The following IMMP2L variants were observed in gnomAD, a reference collection of about 807,000 sequenced individuals.
IMMP2L encodes mitochondrial inner membrane protease subunit 2.
In IMMP2L, 18 loss-of-function variants were observed where a neutral mutation model predicts 19.3. The ratio of observed to expected loss-of-function variants is 0.93; its 90% CI spans 0.64 to 1.38. IMMP2L has a LOEUF of 1.38. Among genes scored for constraint, IMMP2L ranks in the 40% most tolerant of loss-of-function variants. The probability of loss-of-function intolerance (pLI) is 0.00; values close to 1 mark genes in which losing one functional copy is unlikely to be tolerated. For synonymous variants in IMMP2L, 76 were observed against 73.0 expected, an observed-to-expected ratio of 1.04 and a Z score of -0.21; for missense variants, 233 against 218.2, an observed-to-expected ratio of 1.07 and a Z score of -0.43.
chr7:111,303,049 C>T (rs1413038335), intron 3 of IMMP2L, among the ~76,000 whole-genome samples: 1 of 152,076 alleles, frequency 6.6e-6, no homozygotes, highest in Non-Finnish European at 1.5e-5. Flanking sequence ...CAAAATATGG[C>T]CTCATACAAA....
chr7:111,469,805 T>C (rs1485210601), intron 3 of IMMP2L, among the ~76,000 whole-genome samples: 2 of 152,076 alleles, frequency 1.3e-5, no homozygotes, highest in Non-Finnish European at 2.9e-5. Context: ...ATTCAGGACA[T>C]AGGCATGGGC....
intron 1 of IMMP2L, among the ~76,000 whole-genome samples, chr7:111,557,200 C>T (rs1202565344): frequency 2.0e-5 from 3 of 152,084 alleles, no homozygotes; most frequent in East Asian, 3.9e-4. Context: ...TTGAAAGCTT[C>T]CAGTCTTGCC....
intron 3 of IMMP2L, among the ~76,000 whole-genome samples, chr7:111,064,018 T>A (rs1387188909): frequency 2.6e-5 from 4 of 152,142 alleles, no homozygotes; most frequent in Admixed American, 2.6e-4. Flanking sequence ...CACCCCACTC[T>A]ACTGGTACCA....
chr7:110,972,098 T>A (rs556300873), intron 3 of IMMP2L, among the ~76,000 whole-genome samples: 1 of 152,184 alleles, frequency 6.6e-6, no homozygotes, highest in South Asian at 2.1e-4. Flanking sequence ...ACACACAATT[T>A]ACTCCTTTGA....
chr7:111,552,893 A>G (rs1431781203), intron 1 of IMMP2L, among the ~76,000 whole-genome samples: 1 of 152,166 alleles, frequency 6.6e-6, no homozygotes, highest in African/African-American at 2.4e-5. Flanking sequence ...GTCATCTGCC[A>G]TCTCATGAGA....
At chr7:110,672,489 G>GT (rs1453436288) in intron 5 of IMMP2L, among the ~76,000 whole-genome samples, 1 of 152,008 alleles carries the variant, frequency 6.6e-6, no homozygotes, top group Admixed American at 6.6e-5. Context: ...CTTTCCAACA[G>GT]TCCCCCAAAG....
intron 5 of IMMP2L, among the ~76,000 whole-genome samples, chr7:110,860,948 T>C (rs2129542708): frequency 6.6e-6 from 1 of 152,138 alleles, no homozygotes; most frequent in East Asian, 1.9e-4. Flanking sequence ...ATGTATGTAA[T>C]GAATCCAACT....
intron 5 of IMMP2L, among the ~76,000 whole-genome samples, chr7:110,850,080 G>C (rs1320430702): frequency 1.3e-5 from 2 of 152,002 alleles, no homozygotes; most frequent in East Asian, 3.9e-4. Context: ...GAAATTCAAA[G>C]AGAATCAGTG....
intron 3 of IMMP2L, among the ~76,000 whole-genome samples, chr7:111,385,659 C>A (rs1263334192): frequency 6.6e-6 from 1 of 152,064 alleles, no homozygotes; most frequent in Non-Finnish European, 1.5e-5. Flanking sequence ...ATATAAACGT[C>A]ATTTTACTCT....
intron 3 of IMMP2L, among the ~76,000 whole-genome samples, chr7:111,185,254 C>T (rs1356356225): frequency 6.6e-6 from 1 of 152,190 alleles, no homozygotes; most frequent in East Asian, 1.9e-4. Context: ...CAAATCTACT[C>T]TGTGGTTGGA....
chr7:111,463,463 G>C (rs1374326191), intron 3 of IMMP2L, among the ~76,000 whole-genome samples: 1 of 152,030 alleles, frequency 6.6e-6, no homozygotes, highest in African/African-American at 2.4e-5. Context: ...GCTTCAAGTT[G>C]GCAAATGGGA....
chr7:110,885,096 A>T (rs1810079524), intron 5 of IMMP2L, among the ~76,000 whole-genome samples: 1 of 152,052 alleles, frequency 6.6e-6, no homozygotes, highest in African/African-American at 2.4e-5. Flanking sequence ...AAACATATCT[A>T]AAGGTATTCA....
intron 5 of IMMP2L, among the ~76,000 whole-genome samples, chr7:110,716,629 T>C (rs578024197): frequency 5.9e-5 from 9 of 152,222 alleles, no homozygotes; most frequent in Non-Finnish European, 1.2e-4. Flanking sequence ...AATAGGCACC[T>C]AATCTCTCTT....
At chr7:111,537,813 C>T (rs958396055) in intron 1 of IMMP2L, among the ~76,000 whole-genome samples, 37 of 151,864 alleles carry the variant, frequency 2.4e-4, no homozygotes, top group Admixed American at 2.4e-3. Context: ...TTACAGGTAC[C>T]AGCCACCGTG....
At chr7:111,444,856 A>C (rs1281770177) in intron 3 of IMMP2L, among the ~76,000 whole-genome samples, 3 of 152,116 alleles carry the variant, frequency 2.0e-5, no homozygotes, top group African/African-American at 7.2e-5. Context: ...TTACAGTAGG[A>C]AGGTCTGTCC....
chr7:111,314,651 G>A (rs1823863577), intron 3 of IMMP2L, among the ~76,000 whole-genome samples: 1 of 152,036 alleles, frequency 6.6e-6, no homozygotes, highest in Non-Finnish European at 1.5e-5. Context: ...ACTTGTCTAG[G>A]AAAAAGCTAG....
intron 3 of IMMP2L, among the ~76,000 whole-genome samples, chr7:111,241,963 G>T (rs1176801675): frequency 6.6e-6 from 1 of 151,940 alleles, no homozygotes; most frequent in Admixed American, 6.6e-5. Flanking sequence ...CATTATACGT[G>T]AAAAATATGA....
intron 5 of IMMP2L, among the ~76,000 whole-genome samples, chr7:110,859,164 T>C (rs543545787): frequency 6.6e-6 from 1 of 152,180 alleles, no homozygotes; most frequent in South Asian, 2.1e-4. Flanking sequence ...AAGCAAACAT[T>C]TTGTGATAAA....
At chr7:111,004,542 A>G (rs1824085532) in intron 3 of IMMP2L, among the ~76,000 whole-genome samples, 1 of 151,816 alleles carries the variant, frequency 6.6e-6, no homozygotes, top group African/African-American at 2.4e-5. Flanking sequence ...AATGATTGCT[A>G]TGGTCCAAAG....
Sources: gnomAD v4.1 joint callset for allele counts (sites outside exome capture counted in the v4.1 genomes callset) on GRCh38, gnomAD v4.1.1 for gene constraint, MANE v1.5 for transcripts, NCBI Gene and HGNC (gene_info 2026-07-23, HGNC 2026-07-21) for gene names.